The following SLC66A2 variants were observed in gnomAD, a reference collection of about 807,000 sequenced individuals.
The protein encoded by SLC66A2 is solute carrier family 66 member 2, also known as PQ loop repeat containing 1.
A neutral mutation model predicts 25.5 loss-of-function variants in SLC66A2; 23 were observed. The observed-to-expected ratio is 0.90, with a 90% CI of 0.65 to 1.28. SLC66A2 has a LOEUF of 1.28. SLC66A2 is among the 50% of genes most tolerant of loss of function. The probability of loss-of-function intolerance (pLI) is 0.00; values close to 1 mark genes in which losing one functional copy is unlikely to be tolerated. For missense variants in SLC66A2, 396 were observed against 373.1 expected (o/e 1.06, Z -0.51); for synonymous variants, 193 against 166.5 (o/e 1.16, Z -1.23).
chr18:79,938,145 C>A (rs1263389540), intron 3 of SLC66A2, among the ~76,000 whole-genome samples: 5 of 135,924 alleles, frequency 3.7e-5, no homozygotes, highest in African/African-American at 1.4e-4. Flanking sequence ...GACCCTGTCT[C>A]AAAAAAAAAA....
rs565749411 is a variant in SLC66A2, at chr18:79,904,267, C to T, written c.609-84G>A. ...GTGGGGAGGCCTGGGGCTTAGACAG[C>T]GGGGAGACCTGGGGCTCAGGGGCAC... On this transcript the variant is annotated intron_variant, in intron 5 of 5. Coordinates refer to ENST00000397778, the MANE Select transcript of SLC66A2 (RefSeq NM_025078.5). The surrounding 1 kb of genome is among the most constrained non-coding windows in gnomAD (Gnocchi z 6.3). 1.0e-4 allele frequency: 130 copies of T among 1,279,810 alleles called. No individual in the cohort carries two copies. The highest frequency in any genetic ancestry group is 1.3e-4 in the Non-Finnish European group (115 of 893,452). 79.3% of individuals were successfully genotyped at this position (1,279,810 alleles called of 1,614,324 possible).
intron 4 of SLC66A2, among the ~76,000 whole-genome samples, chr18:79,928,241 G>C (rs1352706730): frequency 6.6e-6 from 1 of 152,250 alleles, no homozygotes; most frequent in African/African-American, 2.4e-5. Context: ...ACTTTAAAAT[G>C]AAAGTTTTGG....
chr18:79,951,140 G>A (rs947154938), intron 1 of SLC66A2, 115 bp from the exon 2 acceptor site: 2 of 249,426 alleles, frequency 8.0e-6, no homozygotes, highest in East Asian at 8.2e-5. Flanking sequence ...GGCGACCGGG[G>A]CCCGGGGCGC....
intron 3 of SLC66A2, among the ~76,000 whole-genome samples, chr18:79,942,365 G>C (rs1035116442): frequency 6.6e-6 from 1 of 152,186 alleles, no homozygotes; most frequent in Non-Finnish European, 1.5e-5. Flanking sequence ...GGCTGGTCTG[G>C]TTTCTACAGA....
At position 79,940,609 on chromosome 18, in the gene SLC66A2, G is replaced by A. The variant is rs967337388; in HGVS notation, c.337+2720C>T. On this transcript the variant is annotated intron_variant, in intron 3 of 5. Coordinates refer to ENST00000397778, the MANE Select transcript of SLC66A2 (RefSeq NM_025078.5). The surrounding 1 kb of genome is among the most constrained non-coding windows in gnomAD (Gnocchi z 4.1). Reference sequence around the variant, plus strand: ...ATGGGGCTGTGCTGCAGGAGCTACCGATCGGGCGGCCAGAAGCCAGAGCTT... The same window carrying A: ...ATGGGGCTGTGCTGCAGGAGCTACCAATCGGGCGGCCAGAAGCCAGAGCTT... Among the ~76,000 whole-genome samples the A allele has an allele frequency of 6.6e-6, 1 of 152,058 alleles. No individual in the cohort carries two copies. The highest frequency in any genetic ancestry group is 1.5e-5 in the Non-Finnish European group (1 of 68,004).
At chr18:79,934,257 A>C (rs943052289) in intron 3 of SLC66A2, among the ~76,000 whole-genome samples, 8 of 152,118 alleles carry the variant, frequency 5.3e-5, no homozygotes, top group Admixed American at 5.2e-4. Flanking sequence ...GTGAATGGGG[A>C]GAATGGGAGA....
intron 5 of SLC66A2, among the ~76,000 whole-genome samples, chr18:79,911,047 T>G (rs1183374087): frequency 6.6e-6 from 1 of 152,128 alleles, no homozygotes; most frequent in East Asian, 1.9e-4. Context: ...CGGCCTCAGG[T>G]GGGGACAAGT....
intron 5 of SLC66A2, among the ~76,000 whole-genome samples, chr18:79,905,825 A>G (rs1052178908): frequency 5.3e-5 from 8 of 152,220 alleles, no homozygotes; most frequent in African/African-American, 1.9e-4. Flanking sequence ...ATCAGCTCAC[A>G]CTTGAGTTTC....
intron 4 of SLC66A2, among the ~76,000 whole-genome samples, chr18:79,922,018 GGAGCA>G (rs1985297737): frequency 6.6e-6 from 1 of 152,064 alleles, no homozygotes. Flanking sequence ...CGGGAACTTG[GGAGCA>G]GAGTAAGAGG....
rs1981574716 is a variant in SLC66A2 at position 79,903,696 on chromosome 18, G to C, written c.*280C>G. The C allele has an allele frequency of 4.2e-6, 2 of 473,982 alleles. No homozygotes were observed. The highest frequency in any genetic ancestry group is 7.4e-6 in the Non-Finnish European group (2 of 269,828). 29.4% of individuals were successfully genotyped at this position (473,982 alleles called of 1,614,324 possible). ...CTTGGGCTCAGACGGTGTTTCATAA[G>C]AGGAAATGGGGAAAACACTTGCTTT... On this transcript the variant is annotated 3_prime_UTR_variant, in exon 6 of 6. Coordinates refer to ENST00000397778, the MANE Select transcript of SLC66A2 (RefSeq NM_025078.5).
intron 4 of SLC66A2, among the ~76,000 whole-genome samples, chr18:79,931,067 A>G (rs760957847): frequency 1.3e-5 from 2 of 152,246 alleles, no homozygotes; most frequent in Non-Finnish European, 2.9e-5. Context: ...CTAAGAAAAT[A>G]ATTCAGAAAA....
chr18:79,947,788 G>T (rs1439833032), intron 2 of SLC66A2, among the ~76,000 whole-genome samples: 1 of 151,846 alleles, frequency 6.6e-6, no homozygotes, highest in African/African-American at 2.4e-5. Context: ...AATCAAAGAG[G>T]CTGTGAACCT....
At position 79,941,790 on chromosome 18, in the gene SLC66A2, A is replaced by G. The variant is rs989580558; in HGVS notation, c.337+1539T>C. 2 of 152,444 alleles carry G rather than the reference A, an allele frequency of 1.3e-5. No individual in the cohort carries two copies. Among genetic ancestry groups the G allele is most frequent in the Admixed American group, 1.3e-4 (2 of 15,278 alleles). 9.4% of individuals were successfully genotyped at this position (152,444 alleles called of 1,614,324 possible). A position where few individuals can be genotyped will look rare whatever the true frequency, so the allele number is the denominator to read the frequency against. On this transcript the variant is annotated intron_variant, in intron 3 of 5. Coordinates refer to ENST00000397778, the MANE Select transcript of SLC66A2 (RefSeq NM_025078.5). This position sits in a 1 kb window ranked among gnomAD's most constrained non-coding sequence, Gnocchi z 4.1. The stretch of plus-strand genomic sequence containing the variant: ...GGGACCTCACATCAAGCCACTGCCC[A>G]CTGCCAACAAGGTCACAAGGTCTGG...
chr18:79,935,318 A>G (rs989767392), intron 3 of SLC66A2: 1 of 152,076 alleles, frequency 6.6e-6, no homozygotes, highest in African/African-American at 2.4e-5. Context: ...GCCTCAAGCT[A>G]CCTGAGGCTC....
Position 79,940,733 on chromosome 18 carries a change from C to T in SLC66A2, c.337+2596G>A, listed in dbSNP as rs191257710. ...CTTTCATCAAGACGCCCTGCAGGAA[C>T]AGGCCTGGCCCATCCACCAAGGGGA... On this transcript the variant is annotated intron_variant, in intron 3 of 5. Coordinates refer to ENST00000397778, the MANE Select transcript of SLC66A2 (RefSeq NM_025078.5). The surrounding 1 kb of genome is among the most constrained non-coding windows in gnomAD (Gnocchi z 4.1). Among the ~76,000 whole-genome samples, 1 of 152,174 alleles carries T rather than the reference C, an allele frequency of 6.6e-6. No homozygotes were observed. Among genetic ancestry groups the T allele is most frequent in the African/African-American group, 2.4e-5 (1 of 41,444 alleles).
Position 79,940,230 on chromosome 18 carries a change from G to C in SLC66A2, c.337+3099C>G, listed in dbSNP as rs1368077320. Reference sequence around the variant, plus strand: ...GAACAACAGCCACTAGAGCCTGTCGGGGGGTGGAGAGCAGGAGGAGGGAGA... The same window carrying C: ...GAACAACAGCCACTAGAGCCTGTCGCGGGGTGGAGAGCAGGAGGAGGGAGA... On this transcript the variant is annotated intron_variant, in intron 3 of 5. Coordinates refer to ENST00000397778, the MANE Select transcript of SLC66A2 (RefSeq NM_025078.5). This position sits in a 1 kb window ranked among gnomAD's most constrained non-coding sequence, Gnocchi z 4.1. 4.6e-5 allele frequency among the ~76,000 whole-genome samples: 7 copies of C among 152,124 alleles called. No individual in the cohort carries two copies. The highest frequency in any genetic ancestry group is 8.8e-5 in the Non-Finnish European group (6 of 68,008).
chr18:79,932,687 TTA>T (rs1188966416), intron 4 of SLC66A2, among the ~76,000 whole-genome samples: 1 of 152,018 alleles, frequency 6.6e-6, no homozygotes, highest in Non-Finnish European at 1.5e-5. Context: ...CTAAGAAAAA[TTA>T]TATGTCAACA....
rs1460301486 is a variant in SLC66A2, at chr18:79,951,048, C to A, written c.-99-23G>T. The stretch of plus-strand genomic sequence containing the variant: ...GGCCTGCGGGGAGCGGGGAGCTGCT[C>A]GAGTTCCGCCCAGGGAGGCTGGGGC... On this transcript the variant is annotated intron_variant, in intron 1 of 5. Coordinates refer to ENST00000397778, the MANE Select transcript of SLC66A2 (RefSeq NM_025078.5). The A allele has an allele frequency of 4.4e-6, 3 of 681,926 alleles. No individual in the cohort carries two copies. The East Asian group carries it at 1.1e-4, about 25-fold the overall frequency. 42.2% of individuals were successfully genotyped at this position (681,926 alleles called of 1,614,324 possible).
rs1353653838 is a variant in SLC66A2 at position 79,940,422 on chromosome 18, T to C, written c.337+2907A>G. On this transcript the variant is annotated intron_variant, in intron 3 of 5. Coordinates refer to ENST00000397778, the MANE Select transcript of SLC66A2 (RefSeq NM_025078.5). The surrounding 1 kb of genome is among the most constrained non-coding windows in gnomAD (Gnocchi z 4.1). ...GTTCAGGAGTTAGAGAAATAATCTG[T>C]ACACTAAACCCCCGTGACAAACAAT... is the stretch of plus-strand genomic sequence containing the variant. Among the ~76,000 whole-genome samples, 1 of 151,884 alleles carries C rather than the reference T, an allele frequency of 6.6e-6. No homozygotes were observed. Among genetic ancestry groups the C allele is most frequent in the African/African-American group, 2.4e-5 (1 of 41,298 alleles).
Sources: gnomAD v4.1 joint callset for allele counts (sites outside exome capture counted in the v4.1 genomes callset) on GRCh38, gnomAD v4.1.1 for gene constraint, Gnocchi (gnomAD v3.1) non-coding constraint, MANE v1.5 for transcripts, NCBI Gene and HGNC (gene_info 2026-07-23, HGNC 2026-07-21) for gene names.